GNAQ: variants seen among roughly 807,000 people sequenced by gnomAD.
The protein encoded by GNAQ is G protein subunit alpha q.
Under a neutral mutation model 43.9 loss-of-function variants are expected in GNAQ, and 8 were observed. The observed-to-expected ratio is 0.18, with a 90% confidence interval of 0.11 to 0.33. The LOEUF (loss-of-function observed/expected upper bound fraction) is 0.33, where lower values mean the gene tolerates loss of function less well. GNAQ is among the 10% of genes least tolerant of loss of function. The pLI is 1.00. For missense variants in GNAQ, 158 were observed against 450.8 expected (o/e 0.35, Z 5.88); for synonymous variants, 155 against 170.7 (o/e 0.91, Z 0.71).
chr9:77,742,698 C>T (rs1222460491), intron 5 of GNAQ, among the ~76,000 whole-genome samples: 1 of 152,028 alleles, frequency 6.6e-6, no homozygotes. Flanking sequence ...AACACAAAAA[C>T]ACACCTTTAA....
intron 4 of GNAQ, among the ~76,000 whole-genome samples, chr9:77,796,707 A>G (rs781445386): frequency 6.6e-6 from 1 of 152,192 alleles, no homozygotes; most frequent in Non-Finnish European, 1.5e-5. Flanking sequence ...TTCAAGCAAC[A>G]TATTTTATGA....
chr9:77,908,164 T>C (rs1174566275), intron 2 of GNAQ, among the ~76,000 whole-genome samples: 1 of 152,206 alleles, frequency 6.6e-6, no homozygotes, highest in Non-Finnish European at 1.5e-5. Flanking sequence ...TTCTGTCCCT[T>C]TGCCTCTTTC....
chr9:77,901,007 A>G (rs775232822), intron 2 of GNAQ, among the ~76,000 whole-genome samples: 1 of 152,200 alleles, frequency 6.6e-6, no homozygotes, highest in Non-Finnish European at 1.5e-5. Flanking sequence ...TCCTGAAGTT[A>G]AAGAACCAAA....
intron 3 of GNAQ, among the ~76,000 whole-genome samples, chr9:77,808,559 G>C (rs1007348963): frequency 6.6e-6 from 1 of 151,996 alleles, no homozygotes; most frequent in East Asian, 1.9e-4. Context: ...TAATCATGTA[G>C]AGAATAATTT....
At chr9:78,005,810 T>A (rs1823699074) in intron 1 of GNAQ, among the ~76,000 whole-genome samples, 1 of 152,178 alleles carries the variant, frequency 6.6e-6, no homozygotes, top group African/African-American at 2.4e-5. Flanking sequence ...GCTCAATGAT[T>A]CACCTGGAAG....
chr9:77,743,293 A>C (rs1456563353), intron 5 of GNAQ, among the ~76,000 whole-genome samples: 1 of 151,982 alleles, frequency 6.6e-6, no homozygotes, highest in African/African-American at 2.4e-5. Context: ...AAACAAAAAA[A>C]ACAAACAACA....
chr9:77,931,337 A>G (rs550268105), intron 1 of GNAQ, among the ~76,000 whole-genome samples: 42 of 152,166 alleles, frequency 2.8e-4, no homozygotes, highest in Non-Finnish European at 4.6e-4. Flanking sequence ...TCACGCCTAT[A>G]ATCCCAGCAC....
At chr9:77,956,655 G>A (rs972794775) in intron 1 of GNAQ, among the ~76,000 whole-genome samples, 1 of 152,162 alleles carries the variant, frequency 6.6e-6, no homozygotes, top group Admixed American at 6.5e-5. Context: ...CAGGAAGGGG[G>A]AGGAGGGAAA....
intron 2 of GNAQ, among the ~76,000 whole-genome samples, chr9:77,819,507 A>G (rs1364753781): frequency 6.6e-6 from 1 of 152,178 alleles, no homozygotes; most frequent in Non-Finnish European, 1.5e-5. Context: ...TTAGACTGGA[A>G]TGTCACACCT....
At chr9:78,014,738 A>G (rs372124435) in intron 1 of GNAQ, among the ~76,000 whole-genome samples, 10 of 152,240 alleles carry the variant, frequency 6.6e-5, no homozygotes, top group South Asian at 6.2e-4. Context: ...ATATAATAGC[A>G]TTAACTTACA....
intron 2 of GNAQ, among the ~76,000 whole-genome samples, chr9:77,873,215 C>A (rs1446285469): frequency 1.3e-5 from 2 of 152,166 alleles, no homozygotes; most frequent in African/African-American, 2.4e-5. Context: ...AATGAAATAT[C>A]TTTATCTGTT....
rs191534210 is a variant in GNAQ, at chr9:77,878,230, T to G, written c.321+43931A>C. Among the ~76,000 whole-genome samples, 1,086 of 151,942 alleles carry G rather than the reference T, an allele frequency of 7.1e-3. 20 individuals carry two copies. The highest frequency in any genetic ancestry group is 0.024 in the African/African-American group (1,015 of 41,472). ...AAGTGGAAGAGGTATTTGGTGTTTT[T>G]TTTTTTTTTTTTGAAACCCTTCCAA... On this transcript the variant is annotated intron_variant, in intron 2 of 6. Coordinates refer to ENST00000286548, the MANE Select transcript of GNAQ (RefSeq NM_002072.5).
intron 1 of GNAQ, among the ~76,000 whole-genome samples, chr9:78,024,599 C>A (rs1192982865): frequency 6.6e-6 from 1 of 152,144 alleles, no homozygotes; most frequent in Admixed American, 6.5e-5. Flanking sequence ...TTGTCTCTTT[C>A]TGTGTATGAA....
intron 1 of GNAQ, among the ~76,000 whole-genome samples, chr9:77,969,142 C>T (rs569476331): frequency 6.6e-6 from 1 of 152,204 alleles, no homozygotes; most frequent in South Asian, 2.1e-4. Flanking sequence ...CAGGGAGATA[C>T]AGTAACTCCT....
chr9:77,979,841 C>T (rs546110164), intron 1 of GNAQ, among the ~76,000 whole-genome samples: 1 of 152,296 alleles, frequency 6.6e-6, no homozygotes, highest in African/African-American at 2.4e-5. Context: ...GATTTGGCAT[C>T]TTGGCTACCT....
At chr9:77,953,086 A>C (rs1306989176) in intron 1 of GNAQ, among the ~76,000 whole-genome samples, 1 of 152,190 alleles carries the variant, frequency 6.6e-6, no homozygotes, top group Non-Finnish European at 1.5e-5. Context: ...TGTGAAGCCT[A>C]CTAGCTGGAA....
intron 1 of GNAQ, among the ~76,000 whole-genome samples, chr9:77,976,339 C>G (rs1823301300): frequency 6.6e-6 from 1 of 152,152 alleles, no homozygotes; most frequent in Non-Finnish European, 1.5e-5. Flanking sequence ...CAGCCAAAAA[C>G]TATCCACTCA....
At chr9:77,838,373 C>A (rs1198047382) in intron 2 of GNAQ, among the ~76,000 whole-genome samples, 1 of 151,494 alleles carries the variant, frequency 6.6e-6, no homozygotes, top group Non-Finnish European at 1.5e-5. Flanking sequence ...GAACTCCCGA[C>A]CTCAGGTGAT....
intron 2 of GNAQ, among the ~76,000 whole-genome samples, chr9:77,914,623 T>C (rs1394084674): frequency 1.3e-5 from 2 of 151,808 alleles, no homozygotes; most frequent in African/African-American, 4.8e-5. Flanking sequence ...GATTGTGCCA[T>C]TGCACTCCAG....
Sources: gnomAD v4.1 joint callset for allele counts (sites outside exome capture counted in the v4.1 genomes callset) on GRCh38, gnomAD v4.1.1 for gene constraint, MANE v1.5 for transcripts, NCBI Gene and HGNC (gene_info 2026-07-23, HGNC 2026-07-21) for gene names.